PRDM5: variants seen among roughly 807,000 people sequenced by gnomAD.
The protein encoded by PRDM5 is PR/SET domain 5.
Under a neutral mutation model 81.2 loss-of-function variants are expected in PRDM5, and 56 were observed. That is an observed-to-expected ratio of 0.69 (90% CI 0.56 to 0.86). The LOEUF (loss-of-function observed/expected upper bound fraction) is 0.86. Among genes scored for constraint, PRDM5 ranks in the 40% least tolerant of loss-of-function variants. PRDM5 has a pLI of 0.00. For missense variants in PRDM5, 697 were observed against 770.1 expected (o/e 0.91, Z 1.12); for synonymous variants, 267 against 256.4 (o/e 1.04, Z -0.39).
At chr4:120,699,686 A>G (rs7700189) in intron 15 of PRDM5, among the ~76,000 whole-genome samples, 3 of 152,148 alleles carry the variant, frequency 2.0e-5, no homozygotes, top group Non-Finnish European at 4.4e-5. Context: ...ACATACAAAA[A>G]GTACTTAGGA....
At chr4:120,814,086 T>G (rs1223294748) in intron 7 of PRDM5, among the ~76,000 whole-genome samples, 1 of 152,204 alleles carries the variant, frequency 6.6e-6, no homozygotes, top group African/African-American at 2.4e-5. Context: ...GAAAAATGTA[T>G]GACTATTCAT....
intron 14 of PRDM5, among the ~76,000 whole-genome samples, chr4:120,735,176 A>T (rs1308016338): frequency 6.6e-6 from 1 of 152,200 alleles, no homozygotes; most frequent in East Asian, 1.9e-4. Flanking sequence ...CCTAAGATCA[A>T]TTCTTTTGCT....
chr4:120,738,420 CTTAAT>C (rs1210282717), intron 14 of PRDM5, among the ~76,000 whole-genome samples: 2 of 151,956 alleles, frequency 1.3e-5, no homozygotes, highest in African/African-American at 4.8e-5. Context: ...AAGGAAAGCT[CTTAAT>C]TTAACTTATT....
intron 10 of PRDM5, among the ~76,000 whole-genome samples, chr4:120,790,850 G>T (rs1426461159): frequency 6.6e-6 from 1 of 152,116 alleles, no homozygotes; most frequent in African/African-American, 2.4e-5. Flanking sequence ...AGGCTGAGGT[G>T]GAAGACTGCT....
intron 2 of PRDM5, among the ~76,000 whole-genome samples, chr4:120,879,952 CATT>C (rs1561583660): frequency 6.6e-6 from 1 of 152,084 alleles, no homozygotes; most frequent in Non-Finnish European, 1.5e-5. Context: ...GGACATATGT[CATT>C]ATGCATCTGT....
intron 13 of PRDM5, among the ~76,000 whole-genome samples, chr4:120,775,409 C>T (rs555805978): frequency 6.6e-6 from 1 of 152,038 alleles, no homozygotes; most frequent in African/African-American, 2.4e-5. Context: ...CCTAGCCATA[C>T]TATGAGTAAA....
At chr4:120,917,298 A>G (rs1724295823) in intron 1 of PRDM5, among the ~76,000 whole-genome samples, 1 of 152,006 alleles carries the variant, frequency 6.6e-6, no homozygotes, top group South Asian at 2.1e-4. Flanking sequence ...ATTTCCTACC[A>G]CCCTTCAAAT....
At chr4:120,801,445 T>C (rs1752106040) in intron 8 of PRDM5, among the ~76,000 whole-genome samples, 1 of 152,224 alleles carries the variant, frequency 6.6e-6, no homozygotes, top group South Asian at 2.1e-4. Context: ...ACGTGGCAGT[T>C]TGAAGGTTGC....
At chr4:120,768,729 G>A (rs1252591419) in intron 13 of PRDM5, among the ~76,000 whole-genome samples, 1 of 152,098 alleles carries the variant, frequency 6.6e-6, no homozygotes, top group Non-Finnish European at 1.5e-5. Flanking sequence ...TTTCCTCTAC[G>A]TTCTTTCTAA....
At chr4:120,691,264 A>C (rs1400144972), downstream of PRDM5, among the ~76,000 whole-genome samples, 1 of 152,092 alleles carries the variant, frequency 6.6e-6, no homozygotes. Flanking sequence ...CTCCAGAGTT[A>C]ATTTTTTATT....
chr4:120,811,524 A>G (rs1469456212), intron 7 of PRDM5, 75 bp from the exon 8 acceptor site: 2 of 889,246 alleles, frequency 2.2e-6, no homozygotes, highest in Non-Finnish European at 3.6e-6. Context: ...TTTCGAGGTG[A>G]TATGTAAGTT....
intron 14 of PRDM5, among the ~76,000 whole-genome samples, chr4:120,733,023 T>C (rs1000909948): frequency 6.6e-6 from 1 of 152,208 alleles, no homozygotes; most frequent in African/African-American, 2.4e-5. Flanking sequence ...GCAATTGTTA[T>C]AGTTTTACTA....
intron 1 of PRDM5, among the ~76,000 whole-genome samples, chr4:120,917,325 C>G (rs1724298597): frequency 6.6e-6 from 1 of 152,152 alleles, no homozygotes. Context: ...CCAAATCTCT[C>G]CTGTTTAGTG....
chr4:120,783,147 T>G (rs973889596), intron 11 of PRDM5, among the ~76,000 whole-genome samples: 2 of 152,138 alleles, frequency 1.3e-5, no homozygotes, highest in Non-Finnish European at 2.9e-5. Flanking sequence ...ATTTTAAAGT[T>G]AAATAAATGG....
At chr4:120,699,155 A>G (rs1156658981) in intron 15 of PRDM5, among the ~76,000 whole-genome samples, 1 of 89,574 alleles carries the variant, frequency 1.1e-5, no homozygotes, top group Non-Finnish European at 2.1e-5. Flanking sequence ...AATTATAGGA[A>G]ATATAAATAT....
chr4:120,747,948 T>C lies in PRDM5; in HGVS notation c.1623+6605A>G, dbSNP rs574387632. 1.4e-4 allele frequency among the ~76,000 whole-genome samples: 21 copies of C among 152,364 alleles called. 1 individual carries two copies. The South Asian group carries it at 4.3e-3, about 32-fold the overall frequency. On this transcript the variant is annotated intron_variant, in intron 14 of 15. Coordinates refer to ENST00000264808, the MANE Select transcript of PRDM5 (RefSeq NM_018699.4). The stretch of plus-strand genomic sequence containing the variant: ...TCCATGTTGAAATCAAAAGGGGTTA[T>C]ACGAGACGTGAAGTTTTCTATCGTA...
intron 10 of PRDM5, among the ~76,000 whole-genome samples, chr4:120,785,326 A>C (rs1205619091): frequency 1.3e-5 from 2 of 150,948 alleles, no homozygotes; most frequent in Non-Finnish European, 2.9e-5. Context: ...ATAGTAAAAA[A>C]AAAATATTCC....
chr4:120,888,184 G>T (rs2148613840), intron 2 of PRDM5, among the ~76,000 whole-genome samples: 1 of 152,304 alleles, frequency 6.6e-6, no homozygotes, highest in South Asian at 2.1e-4. Context: ...GAAACTTGGT[G>T]CATACATCTC....
chr4:120,798,151 T>C (rs1751589258), intron 10 of PRDM5, 116 bp downstream of exon 10: 1 of 691,220 alleles, frequency 1.4e-6, no homozygotes, highest in African/African-American at 1.8e-5. Flanking sequence ...TGATCTTCTC[T>C]AGTTGTTGCA....
Sources: allele counts gnomAD v4.1 joint callset (sites outside exome capture counted in the v4.1 genomes callset), GRCh38; gene constraint gnomAD v4.1.1; transcripts MANE v1.5; gene names NCBI Gene and HGNC (gene_info 2026-07-23, HGNC 2026-07-21).